LITAF: variants seen among roughly 807,000 people sequenced by gnomAD.
The protein encoded by LITAF is lipopolysaccharide-induced tumor necrosis factor-alpha factor.
A neutral mutation model predicts 14.5 loss-of-function variants in LITAF; 9 were observed. The observed-to-expected ratio is 0.62, with a 90% CI of 0.37 to 1.08. The LOEUF (loss-of-function observed/expected upper bound fraction) is 1.08. Ranked by LOEUF, LITAF falls within the 50% of genes least tolerant of loss-of-function variation. The pLI is 0.01. For missense variants in LITAF, 206 were observed against 213.4 expected, an observed-to-expected ratio of 0.97 and a Z score of 0.22; for synonymous variants, 98 against 88.2, an observed-to-expected ratio of 1.11 and a Z score of -0.62.
chr16:11,567,139 G>C (rs1357397907), intron 1 of LITAF, among the ~76,000 whole-genome samples: 3 of 151,826 alleles, frequency 2.0e-5, no homozygotes, highest in Non-Finnish European at 4.4e-5. Context: ...GGGTGGACAG[G>C]CTGGGCGCAG....
chr16:11,612,376 G>A (rs915972472), intron 3 of LITAF, among the ~76,000 whole-genome samples: 1 of 152,214 alleles, frequency 6.6e-6, no homozygotes, highest in Non-Finnish European at 1.5e-5. Context: ...CAGCCTGGAG[G>A]GTTGGTGAAG....
chr16:11,610,220 C>T (rs1056449345), intron 3 of LITAF, among the ~76,000 whole-genome samples: 1 of 152,208 alleles, frequency 6.6e-6, no homozygotes, highest in Non-Finnish European at 1.5e-5. Flanking sequence ...AGAAACCTGT[C>T]CCAGGGGAAA....
In LITAF at chr16:11,621,562, A is replaced by G. The variant is rs1414708019; in HGVS notation, c.85+11971T>C. On this transcript the variant is annotated intron_variant, in intron 3 of 3. Coordinates refer to the LITAF transcript ENST00000574848. ...TGGCCTATGTGCAGAACAGACTGGT[A>G]TTAACCCCCCTCAGAAGCAGGCCTC... Among the ~76,000 whole-genome samples, 8 of 152,150 alleles carry G rather than the reference A, an allele frequency of 5.3e-5. No homozygotes were observed. The South Asian group carries it at 1.4e-3, about 28-fold the overall frequency.
At chr16:11,607,761 G>A (rs2064962118) in intron 3 of LITAF, among the ~76,000 whole-genome samples, 1 of 152,132 alleles carries the variant, frequency 6.6e-6, no homozygotes, top group African/African-American at 2.4e-5. Flanking sequence ...CATCAACCTT[G>A]GCACTATTAG....
chr16:11,570,431 C>A (rs1027238480), intron 1 of LITAF, among the ~76,000 whole-genome samples: 1 of 152,174 alleles, frequency 6.6e-6, no homozygotes, highest in African/African-American at 2.4e-5. Context: ...TGTTCTGTAC[C>A]CAGTACCTCC....
intron 3 of LITAF, among the ~76,000 whole-genome samples, chr16:11,622,682 TGTC>T (rs1354678235): frequency 3.3e-5 from 5 of 152,164 alleles, no homozygotes; most frequent in Admixed American, 6.6e-5. Flanking sequence ...GAATACAAGG[TGTC>T]GTGAAGGATA....
At chr16:11,592,270 A>G (rs908437756) in intron 1 of LITAF, among the ~76,000 whole-genome samples, 3 of 151,960 alleles carry the variant, frequency 2.0e-5, no homozygotes, top group African/African-American at 7.2e-5. Context: ...ACAACAAACA[A>G]CCTAGTGTAA....
At chr16:11,630,414 A>C (rs1004951823) in intron 3 of LITAF, among the ~76,000 whole-genome samples, 49 of 152,114 alleles carry the variant, frequency 3.2e-4, no homozygotes, top group African/African-American at 1.2e-3. Context: ...AGCCTCCCGC[A>C]GGCCCTGCTC....
At chr16:11,610,252 T>A (rs1463406892) in intron 3 of LITAF, among the ~76,000 whole-genome samples, 1 of 152,186 alleles carries the variant, frequency 6.6e-6, no homozygotes, top group East Asian at 1.9e-4. Flanking sequence ...CTATCGGCAA[T>A]CCCTAAGAAA....
upstream of LITAF, among the ~76,000 whole-genome samples, chr16:11,639,771 G>C (rs933294838): frequency 7.2e-5 from 11 of 152,100 alleles, no homozygotes; most frequent in African/African-American, 2.2e-4. Context: ...GAGGAGGGCG[G>C]ATCACTTGAG....
At chr16:11,625,675 G>A (rs1002933199) in intron 3 of LITAF, among the ~76,000 whole-genome samples, 5 of 152,168 alleles carry the variant, frequency 3.3e-5, no homozygotes, top group African/African-American at 9.7e-5. Flanking sequence ...TGTGCTGAAG[G>A]AATGCAGTGA....
chr16:11,626,296 A>G (rs1267859071), intron 3 of LITAF, among the ~76,000 whole-genome samples: 1 of 152,130 alleles, frequency 6.6e-6, no homozygotes, highest in African/African-American at 2.4e-5. Flanking sequence ...CTCCTGCCTC[A>G]GCCTCCCAAG....
rs2064156043 is a variant in LITAF at position 11,549,715 on chromosome 16, G to GA, written c.407dup (p.Cys137LeufsTer93). 6.2e-7 allele frequency: 1 copy of GA among 1,613,632 alleles called. No individual in the cohort carries two copies. The highest frequency in any genetic ancestry group is 1.3e-5 in the African/African-American group (1 of 74,922). On this transcript the variant is annotated frameshift_variant, in exon 4 of 4. Coordinates refer to ENST00000622633, the MANE Select transcript of LITAF (RefSeq NM_001136472.2). LOFTEE classifies it high-confidence loss of function. The surrounding 1 kb of genome is among the most constrained non-coding windows in gnomAD (Gnocchi z 4.6). ...CCACGTCCTGCAGGGCATCCACGCAGAAGGGGATGAAGCAGCAGCCCGCTA... is the reference window on the plus strand; with the variant it reads ...CCACGTCCTGCAGGGCATCCACGCAGAAAGGGGATGAAGCAGCAGCCCGCTA...
At position 11,634,375 on chromosome 16, in the gene LITAF, C is replaced by CT. The variant is rs1294385996; in HGVS notation, c.-20-739dup. Reference sequence around the variant, plus strand: ...ATTCCCTTCCCCAAAACTCAACCGCCTTTGTGAAGGTAACAAAAGGCCACC... The same window carrying CT: ...ATTCCCTTCCCCAAAACTCAACCGCCTTTTGTGAAGGTAACAAAAGGCCACC... On this transcript the variant is annotated intron_variant, in intron 2 of 3. Coordinates refer to the LITAF transcript ENST00000574848. This position sits in a 1 kb window ranked among gnomAD's most constrained non-coding sequence, Gnocchi z 4.1. Among the ~76,000 whole-genome samples, 2 of 152,150 alleles carry CT rather than the reference C, an allele frequency of 1.3e-5. No homozygotes were observed. The highest frequency in any genetic ancestry group is 1.9e-4 in the East Asian group (1 of 5,198).
At chr16:11,566,895 G>A (rs2141767330) in intron 1 of LITAF, among the ~76,000 whole-genome samples, 1 of 152,282 alleles carries the variant, frequency 6.6e-6, no homozygotes, top group Non-Finnish European at 1.5e-5. Flanking sequence ...TGTAAAGGAA[G>A]ATGTTTATGT....
At chr16:11,580,150 G>GA (rs1414813231) in intron 1 of LITAF, among the ~76,000 whole-genome samples, 2 of 151,808 alleles carry the variant, frequency 1.3e-5, no homozygotes, top group Non-Finnish European at 1.5e-5. Context: ...TTCAAAATCT[G>GA]AAAAAAAGAT....
rs1370476076 is a variant in LITAF at position 11,586,826 on chromosome 16, A to C, written c.-6+60T>G. ...GGGGCCCCCAGCAGGTGCTGGCGCC[A>C]CCGGCCCCCCGCTGTCTCCCGCTGG... On this transcript the variant is annotated intron_variant, in intron 1 of 3. Transcript: ENST00000622633. This position sits in a 1 kb window ranked among gnomAD's most constrained non-coding sequence, Gnocchi z 6.5. 1.3e-5 allele frequency: 2 copies of C among 151,466 alleles called. No individual in the cohort carries two copies. The highest frequency in any genetic ancestry group is 4.9e-5 in the African/African-American group (2 of 41,232). 9.4% of individuals were successfully genotyped at this position (151,466 alleles called of 1,614,324 possible).
intron 3 of LITAF, among the ~76,000 whole-genome samples, chr16:11,611,171 G>A (rs1475782426): frequency 1.3e-5 from 2 of 151,504 alleles, no homozygotes; most frequent in Admixed American, 6.6e-5. Context: ...CAAAAATAGT[G>A]AGACAAAAAA....
At chr16:11,617,426 CTTTTTT>C (rs71136673) in intron 3 of LITAF, among the ~76,000 whole-genome samples, 2 of 73,714 alleles carry the variant, frequency 2.7e-5, no homozygotes, top group Non-Finnish European at 4.8e-5. Flanking sequence ...TGGCTTCACT[CTTTTTT>C]TTTTTTTTTT....
Sources: allele counts gnomAD v4.1 joint callset (sites outside exome capture counted in the v4.1 genomes callset), GRCh38; gene constraint gnomAD v4.1.1; non-coding constraint Gnocchi (gnomAD v3.1); transcripts MANE v1.5; gene names NCBI Gene and HGNC (gene_info 2026-07-23, HGNC 2026-07-21).